The following NCKAP5 variants were observed in gnomAD, a reference collection of about 807,000 sequenced individuals.
NCKAP5 encodes NCK associated protein 5.
A neutral mutation model predicts 167.0 loss-of-function variants in NCKAP5; 92 were observed. That is an observed-to-expected ratio of 0.55 (90% CI 0.47 to 0.66). The LOEUF (loss-of-function observed/expected upper bound fraction) is 0.66, where lower values mean the gene tolerates loss of function less well. Among genes scored for constraint, NCKAP5 ranks in the 30% least tolerant of loss-of-function variants. NCKAP5 has a pLI of 0.00. For synonymous variants in NCKAP5, 891 were observed against 877.4 expected, an observed-to-expected ratio of 1.02 and a Z score of -0.27; for missense variants, 2,378 against 2,315.0, an observed-to-expected ratio of 1.03 and a Z score of -0.56.
At chr2:133,106,716 A>G (rs2081717476) in intron 6 of NCKAP5, among the ~76,000 whole-genome samples, 1 of 152,212 alleles carries the variant, frequency 6.6e-6, no homozygotes, top group African/African-American at 2.4e-5. Context: ...TGGTTAGACT[A>G]GACTATTGGA....
At chr2:132,994,673 A>G (rs932261434) in intron 6 of NCKAP5, among the ~76,000 whole-genome samples, 1 of 152,236 alleles carries the variant, frequency 6.6e-6, no homozygotes, top group Admixed American at 6.5e-5. Flanking sequence ...TGGTCTTTCT[A>G]TGACAGCACG....
chr2:132,978,184 T>C (rs2077031519), intron 7 of NCKAP5, among the ~76,000 whole-genome samples: 1 of 152,224 alleles, frequency 6.6e-6, no homozygotes, highest in Non-Finnish European at 1.5e-5. Flanking sequence ...GGTAACCAGT[T>C]TCTTCATGCA....
intron 2 of NCKAP5, among the ~76,000 whole-genome samples, chr2:133,518,344 A>ATTTT (rs751025050): frequency 0.11 from 8,021 of 74,446 alleles, 1,712 homozygotes; most frequent in Non-Finnish European, 0.13. Flanking sequence ...ACAGTAAAGG[A>ATTTT]TTTTTTTTTT....
At chr2:133,540,656 C>G (rs551580973) in intron 2 of NCKAP5, among the ~76,000 whole-genome samples, 2 of 152,066 alleles carry the variant, frequency 1.3e-5, no homozygotes, top group Admixed American at 1.3e-4. Flanking sequence ...CAATTGAAGG[C>G]CAGGCACAGT....
chr2:133,022,342 GCT>G (rs1237396999), intron 6 of NCKAP5, among the ~76,000 whole-genome samples: 1 of 152,184 alleles, frequency 6.6e-6, no homozygotes, highest in Non-Finnish European at 1.5e-5. Flanking sequence ...GAAGAAGGCT[GCT>G]CATTATAGAA....
chr2:133,636,191 T>C, the NCKAP5 span, among the ~76,000 whole-genome samples: 1 of 152,220 alleles, frequency 6.6e-6, no homozygotes, highest in Non-Finnish European at 1.5e-5. Context: ...TGAGGTCTGT[T>C]GGTTTTTAGA....
In NCKAP5 at chr2:132,782,592, G is replaced by A. The variant is rs765989595; in HGVS notation, c.4219C>T (p.Pro1407Ser). 2.5e-6 allele frequency: 4 copies of A among 1,586,500 alleles called. No homozygotes were observed. The African/African-American group carries it at 4.0e-5, about 16-fold the overall frequency. The change falls in exon 14 of 20, where the codon CCA becomes TCA. Residue 1407 changes from proline to serine, a missense_variant. This residue lies in a region of NCKAP5 where 1,325 missense variants were observed against 1,274.5 expected (regional missense o/e 1.04). Transcript: ENST00000409261. ...PSANVAVLGEPGSDRRSCPPT... is the reference protein window; with the variant it reads ...PSANVAVLGESGSDRRSCPPT... ...GGGCAACTGCGGCGGTCACTGCCTG[G>A]TTCCCCAAGTACAGCCACATTGGCA... is the stretch of plus-strand genomic sequence containing the variant.
chr2:133,595,392 C>T, the NCKAP5 span, among the ~76,000 whole-genome samples: 1 of 132,688 alleles, frequency 7.5e-6, no homozygotes, highest in Admixed American at 7.5e-5. Flanking sequence ...CCTCCTCCTC[C>T]TCTTCTTCTT....
rs533001044 is a variant in NCKAP5 at position 133,489,688 on chromosome 2, CACAAT to C, written c.69+27765_69+27769del. Among the ~76,000 whole-genome samples, 76 of 152,294 alleles carry C rather than the reference CACAAT, an allele frequency of 5.0e-4. 1 individual carries two copies. The South Asian group carries it at 6.8e-3, about 14-fold the overall frequency. On this transcript the variant is annotated intron_variant, in intron 3 of 19. Transcript: ENST00000409261. Reference sequence around the variant, plus strand: ...GACCTAAATCTTCGTGCAATAAAATCACAATACAATACATGAGAGTTCTGTTTGTT... The same window carrying C: ...GACCTAAATCTTCGTGCAATAAAATCACAATACATGAGAGTTCTGTTTGTT...
Position 133,390,732 on chromosome 2 carries a change from T to C in NCKAP5, c.70-87622A>G, listed in dbSNP as rs150707676. ...ATAGACGCCTATGTAGAAGTGTGTGTGTGCCTGTGTACACCGTTACCTGTG... is the reference window on the plus strand; with the variant it reads ...ATAGACGCCTATGTAGAAGTGTGTGCGTGCCTGTGTACACCGTTACCTGTG... On this transcript the variant is annotated intron_variant, in intron 3 of 19. Coordinates refer to ENST00000409261, the MANE Select transcript of NCKAP5 (RefSeq NM_207363.3). 2.8e-3 allele frequency among the ~76,000 whole-genome samples: 423 copies of C among 152,232 alleles called. 16 individuals are homozygous for C. Among genetic ancestry groups the C allele is most frequent in the Admixed American group, 0.026 (399 of 15,290 alleles).
chr2:133,363,055 C>T (rs1288203388), intron 3 of NCKAP5, among the ~76,000 whole-genome samples: 1 of 152,024 alleles, frequency 6.6e-6, no homozygotes, highest in Non-Finnish European at 1.5e-5. Context: ...CGTGAGCCAC[C>T]GTGCCCAGCC....
chr2:133,450,329 C>T (rs965934035), intron 3 of NCKAP5, among the ~76,000 whole-genome samples: 3 of 152,148 alleles, frequency 2.0e-5, no homozygotes, highest in African/African-American at 7.2e-5. Flanking sequence ...CCATCAAGTG[C>T]ATTTTCATAT....
intron 11 of NCKAP5, among the ~76,000 whole-genome samples, chr2:132,821,375 C>T (rs902160555): frequency 1.6e-4 from 24 of 151,792 alleles, no homozygotes; most frequent in South Asian, 4.2e-4. Flanking sequence ...GTGCCTTGAA[C>T]GCACTCCCAG....
chr2:133,412,416 C>T (rs184460596), intron 3 of NCKAP5, among the ~76,000 whole-genome samples: 2 of 152,182 alleles, frequency 1.3e-5, no homozygotes, highest in Non-Finnish European at 2.9e-5. Flanking sequence ...CAGAATAAGA[C>T]AGTCACCATG....
chr2:132,729,564 T>G (rs866248905), intron 17 of NCKAP5, among the ~76,000 whole-genome samples: 1 of 152,184 alleles, frequency 6.6e-6, no homozygotes, highest in African/African-American at 2.4e-5. Context: ...GCTGATTCAG[T>G]AGGTATGGGG....
intron 11 of NCKAP5, among the ~76,000 whole-genome samples, chr2:132,857,688 G>T (rs539043907): frequency 1.3e-5 from 2 of 152,228 alleles, no homozygotes; most frequent in South Asian, 2.1e-4. Flanking sequence ...TATGGAGGGG[G>T]GTCTTGTTAA....
chr2:133,230,961 T>C (rs756327143), intron 4 of NCKAP5, among the ~76,000 whole-genome samples: 41 of 152,184 alleles, frequency 2.7e-4, no homozygotes, highest in Non-Finnish European at 5.1e-4. Context: ...TCCACACAAA[T>C]GGTTTTTAGG....
chr2:132,983,134 T>C (rs980201811), intron 7 of NCKAP5, among the ~76,000 whole-genome samples: 7 of 152,214 alleles, frequency 4.6e-5, no homozygotes, highest in Admixed American at 1.3e-4. Context: ...ATAGAAATGC[T>C]ACTGATTTTT....
At chr2:133,239,276 A>G (rs571275616) in intron 4 of NCKAP5, among the ~76,000 whole-genome samples, 1 of 152,340 alleles carries the variant, frequency 6.6e-6, no homozygotes, top group South Asian at 2.1e-4. Flanking sequence ...TCCCACTAAT[A>G]CAATTTCAGT....
Sources: allele counts gnomAD v4.1 joint callset (sites outside exome capture counted in the v4.1 genomes callset), GRCh38; gene constraint gnomAD v4.1.1; regional missense constraint gnomAD v4.1.1; transcripts MANE v1.5; gene names NCBI Gene and HGNC (gene_info 2026-07-23, HGNC 2026-07-21).